TCF20: variants seen among roughly 807,000 people sequenced by gnomAD.
TCF20 encodes SPRE-binding protein.
TCF20 carries 3 observed loss-of-function variants against 148.6 expected under a neutral mutation model. That is an observed-to-expected ratio of 0.02 (90% CI 0.01 to 0.05). The LOEUF (loss-of-function observed/expected upper bound fraction) is 0.05, where lower values mean the gene tolerates loss of function less well. Among genes scored for constraint, TCF20 ranks in the 10% least tolerant of loss-of-function variants. TCF20 has a pLI of 1.00. For missense variants in TCF20, 2,350 were observed against 2,429.3 expected (o/e 0.97, Z 0.69); for synonymous variants, 1,049 against 909.5 (o/e 1.15, Z -2.76).
At chr22:42,205,195 A>G (rs1271444356) in intron 2 of TCF20, among the ~76,000 whole-genome samples, 1 of 152,210 alleles carries the variant, frequency 6.6e-6, no homozygotes, top group African/African-American at 2.4e-5. Flanking sequence ...CTCATACACA[A>G]TTATACCAAG....
intron 1 of TCF20, among the ~76,000 whole-genome samples, chr22:42,282,720 C>A (rs1240498620): frequency 1.3e-5 from 2 of 152,160 alleles, no homozygotes; most frequent in African/African-American, 4.8e-5. Flanking sequence ...GCTGGGACAG[C>A]GCCTGGGGGT....
At chr22:42,280,534 C>G (rs147606050) in intron 1 of TCF20, among the ~76,000 whole-genome samples, 2 of 152,342 alleles carry the variant, frequency 1.3e-5, no homozygotes, top group East Asian at 1.9e-4. Flanking sequence ...GCCCTGGCCC[C>G]TGCTCTGCCC....
chr22:42,217,444 C>T (rs1347477281), intron 1 of TCF20, among the ~76,000 whole-genome samples: 1 of 152,206 alleles, frequency 6.6e-6, no homozygotes. Flanking sequence ...TGCCTGGCCC[C>T]ATACTTACTC....
chr22:42,311,941 T>C (rs1434829549), intron 1 of TCF20, among the ~76,000 whole-genome samples: 1 of 152,148 alleles, frequency 6.6e-6, no homozygotes, highest in African/African-American at 2.4e-5. Flanking sequence ...ACTCTAGGGT[T>C]CTGCATTTTA....
At chr22:42,170,515 C>A (rs992273104) in intron 3 of TCF20, among the ~76,000 whole-genome samples, 9 of 144,080 alleles carry the variant, frequency 6.2e-5, no homozygotes, top group African/African-American at 1.8e-4. Flanking sequence ...AAAAAAAAAA[C>A]TACTTGGGAG....
chr22:42,217,077 A>G lies in TCF20; in HGVS notation c.-36-1736T>C, dbSNP rs536205740. On this transcript the variant is annotated intron_variant, in intron 1 of 5. Coordinates refer to ENST00000677622, the MANE Select transcript of TCF20 (RefSeq NM_001378418.1). Reference sequence around the variant, plus strand: ...CTGAAAATGGAGTTGCCTGCAGGAAAGTCAACAACCTTTTTAAAGGTAAGT... The same window carrying G: ...CTGAAAATGGAGTTGCCTGCAGGAAGGTCAACAACCTTTTTAAAGGTAAGT... 2.6e-5 allele frequency among the ~76,000 whole-genome samples: 4 copies of G among 152,332 alleles called. No individual in the cohort carries two copies. The South Asian group carries it at 8.3e-4, about 32-fold the overall frequency.
chr22:42,253,676 A>T (rs1471756736), intron 1 of TCF20, among the ~76,000 whole-genome samples: 1 of 152,236 alleles, frequency 6.6e-6, no homozygotes. Context: ...TGAAAACAGT[A>T]GAGTGAACTG....
At chr22:42,221,137 AAG>A (rs1361831995) in intron 1 of TCF20, among the ~76,000 whole-genome samples, 1 of 152,208 alleles carries the variant, frequency 6.6e-6, no homozygotes, top group Non-Finnish European at 1.5e-5. Flanking sequence ...TGAGAAGTGC[AAG>A]AGAGATTTAG....
At chr22:42,324,834 T>G (rs1019853919) in intron 1 of TCF20, among the ~76,000 whole-genome samples, 33 of 152,248 alleles carry the variant, frequency 2.2e-4, no homozygotes, top group African/African-American at 7.7e-4. Context: ...CTGGGGAGTC[T>G]TATTATCTCC....
intron 2 of TCF20, among the ~76,000 whole-genome samples, chr22:42,184,302 A>G (rs921976757): frequency 5.9e-5 from 9 of 152,174 alleles, no homozygotes; most frequent in Admixed American, 2.0e-4. Context: ...CCCCAAGTTC[A>G]ACTTTCTTCA....
intron 1 of TCF20, among the ~76,000 whole-genome samples, chr22:42,251,657 C>T (rs1925381461): frequency 6.6e-6 from 1 of 151,244 alleles, no homozygotes; most frequent in Non-Finnish European, 1.5e-5. Flanking sequence ...CACTTGCAAC[C>T]ATGCCTAGAT....
intron 1 of TCF20, among the ~76,000 whole-genome samples, chr22:42,240,792 A>G (rs1463397825): frequency 2.0e-5 from 3 of 152,166 alleles, no homozygotes; most frequent in African/African-American, 4.8e-5. Context: ...GTAGAAGTAA[A>G]TAAGCCCTCC....
chr22:42,254,005 G>A (rs1925578226), intron 1 of TCF20, among the ~76,000 whole-genome samples: 3 of 151,598 alleles, frequency 2.0e-5, no homozygotes, highest in African/African-American at 4.9e-5. Flanking sequence ...GAACCCGGGA[G>A]GCGGAGGTTG....
chr22:42,266,229 G>C (rs1374526796), intron 1 of TCF20, among the ~76,000 whole-genome samples: 1 of 152,168 alleles, frequency 6.6e-6, no homozygotes, highest in Non-Finnish European at 1.5e-5. Context: ...TCTAAGCCTT[G>C]AGCCTCATTA....
At chr22:42,193,023 C>T (rs536712870) in intron 2 of TCF20, among the ~76,000 whole-genome samples, 2 of 152,186 alleles carry the variant, frequency 1.3e-5, no homozygotes, top group African/African-American at 4.8e-5. Flanking sequence ...GGTTCTTATC[C>T]TCAAGAAAGT....
chr22:42,324,013 A>G (rs1429766980), intron 1 of TCF20, among the ~76,000 whole-genome samples: 20 of 1,316 alleles, frequency 0.015, no homozygotes, highest in African/African-American at 0.026. Flanking sequence ...GGCGGAGGTT[A>G]TGGTGGTGGT....
chr22:42,171,072 A>ATG (rs1569100895), intron 3 of TCF20, among the ~76,000 whole-genome samples: 2 of 152,326 alleles, frequency 1.3e-5, no homozygotes, highest in African/African-American at 4.8e-5. Flanking sequence ...TTGTAACATG[A>ATG]TGACAGCATC....
rs141867468 is a variant in TCF20, at chr22:42,264,521, C to G, written c.-37+5818G>C. On this transcript the variant is annotated intron_variant, in intron 1 of 5. Transcript: ENST00000677622. ...ATATAAACAGAGGGAACACTTCAAC[C>G]AGCCCACTTCCATCCTTTGGATTAA... is the stretch of plus-strand genomic sequence containing the variant. Among the ~76,000 whole-genome samples, 432 of 152,268 alleles carry G rather than the reference C, an allele frequency of 2.8e-3. 1 individual carries two copies. Among genetic ancestry groups the G allele is most frequent in the African/African-American group, 9.8e-3 (408 of 41,538 alleles).
chr22:42,313,979 G>A (rs189045917), intron 1 of TCF20, among the ~76,000 whole-genome samples: 84 of 152,360 alleles, frequency 5.5e-4, no homozygotes, highest in Admixed American at 2.8e-3. Flanking sequence ...AGATCTGTGC[G>A]TGACTGCCTC....
Sources: allele counts gnomAD v4.1 joint callset (sites outside exome capture counted in the v4.1 genomes callset), GRCh38; gene constraint gnomAD v4.1.1; transcripts MANE v1.5; gene names NCBI Gene and HGNC (gene_info 2026-07-23, HGNC 2026-07-21).